Variants in ADGRF4 observed in about 807,000 individuals in gnomAD.
The protein encoded by ADGRF4 is G-protein coupled receptor PGR18.
A neutral mutation model predicts 58.5 loss-of-function variants in ADGRF4; 63 were observed. The ratio of observed to expected loss-of-function variants is 1.08; its 90% CI spans 0.88 to 1.33. The LOEUF is 1.33. ADGRF4 is among the 40% of genes most tolerant of loss of function. ADGRF4 has a pLI of 0.00. For synonymous variants in ADGRF4, 313 were observed against 295.4 expected, an observed-to-expected ratio of 1.06 and a Z score of -0.61; for missense variants, 931 against 843.9, an observed-to-expected ratio of 1.10 and a Z score of -1.28.
At chr6:47,716,745 A>C in intron 6 of ADGRF4, 61 bp from the exon 7 acceptor site, 1 of 1,276,546 alleles carries the variant, frequency 7.8e-7, no homozygotes, top group South Asian at 1.2e-5. Context: ...CGGTATGAAA[A>C]TAACAGCAGG....
At chr6:47,712,852 GAT>G (rs1771905691) in intron 5 of ADGRF4, among the ~76,000 whole-genome samples, 1 of 152,150 alleles carries the variant, frequency 6.6e-6, no homozygotes. Context: ...ATAGTGTAGT[GAT>G]GGCTATGAGC....
chr6:47,711,421 C>T (rs1400983351), intron 4 of ADGRF4, among the ~76,000 whole-genome samples: 4 of 152,166 alleles, frequency 2.6e-5, no homozygotes, highest in Non-Finnish European at 5.9e-5. Flanking sequence ...TGCCACCACA[C>T]CCAGCTAATT....
chr6:47,715,008 C>A lies in ADGRF4; in HGVS notation c.1763C>A (p.Ser588Tyr). The change falls in exon 6 of 10, where the codon TCT becomes TAT. Residue 588 changes from serine (S) to tyrosine (Y), a missense_variant. Physicochemically the swap from Ser to Tyr is moderately radical, Grantham distance 144. Transcript: ENST00000283303. ...LVVAVNTQRP[S>Y]IGSSKSQDVV... ...GTTGCTGTCAACACTCAGAGGCCCT[C>A]TATTGGCAGTTCCAAGTCTCAGGAT... The A allele has an allele frequency of 6.2e-7, 1 of 1,613,462 alleles. No homozygotes were observed. Among genetic ancestry groups the A allele is most frequent in the East Asian group, 2.2e-5 (1 of 44,842 alleles).
intron 5 of ADGRF4, among the ~76,000 whole-genome samples, chr6:47,713,194 G>GA (rs1215736874): frequency 1.7e-4 from 26 of 152,254 alleles, no homozygotes; most frequent in Admixed American, 1.6e-3. Flanking sequence ...AGAGTCCATG[G>GA]AAAAATTGTC....
In ADGRF4 at chr6:47,709,741, C is replaced by T. The variant is rs1470210251; in HGVS notation, c.149-994C>T. ...CAGAGAGCAGCAAAAAATTGAGTTG[C>T]CCAGTGCATATGTTTTCAGCAGGGG... is the stretch of plus-strand genomic sequence containing the variant. On this transcript the variant is annotated intron_variant, in intron 3 of 9. Coordinates refer to ENST00000283303, the MANE Select transcript of ADGRF4 (RefSeq NM_153838.5). Among the ~76,000 whole-genome samples, 4 of 152,148 alleles carry T rather than the reference C, an allele frequency of 2.6e-5. No homozygotes were observed. The East Asian group carries it at 5.8e-4, about 22-fold the overall frequency.
At chr6:47,716,995 A>G in intron 7 of ADGRF4, 148 bp downstream of exon 7, 1 of 653,492 alleles carries the variant, frequency 1.5e-6, no homozygotes, top group African/African-American at 1.8e-5. Context: ...AGAAAAAAAA[A>G]ACACACCAAT....
intron 1 of ADGRF4, among the ~76,000 whole-genome samples, chr6:47,699,903 T>TAC (rs138771559): frequency 0.36 from 52,214 of 146,400 alleles, 9,709 homozygotes; most frequent in East Asian, 0.68. Flanking sequence ...CACACACACA[T>TAC]ACACACACAC....
rs528510294 is a variant in ADGRF4, at chr6:47,710,042, T to C, written c.149-693T>C. Among the ~76,000 whole-genome samples, 12 of 152,284 alleles carry C rather than the reference T, an allele frequency of 7.9e-5. No homozygotes were observed. In the South Asian group the frequency reaches 2.5e-3, roughly 32 times the overall value. On this transcript the variant is annotated intron_variant, in intron 3 of 9. Transcript: ENST00000283303. Reference sequence around the variant, plus strand: ...GTGCTATTGCCCATGAGTTCAATGTTAATGAATCGACAATATATATTAAAT... The same window carrying C: ...GTGCTATTGCCCATGAGTTCAATGTCAATGAATCGACAATATATATTAAAT...
chr6:47,700,581 A>G (rs955336739), intron 1 of ADGRF4, among the ~76,000 whole-genome samples: 2 of 152,200 alleles, frequency 1.3e-5, no homozygotes, highest in African/African-American at 4.8e-5. Context: ...ATGCATTGTT[A>G]TGACACCCTC....
chr6:47,715,248 T>G (rs931113300), intron 6 of ADGRF4, 71 bp downstream of exon 6: 16 of 1,102,238 alleles, frequency 1.5e-5, no homozygotes, highest in Non-Finnish European at 1.8e-5. Context: ...TGATTTGAAA[T>G]TATATAACAC....
chr6:47,713,565 T>G (rs1200936529), intron 5 of ADGRF4, among the ~76,000 whole-genome samples: 1 of 152,220 alleles, frequency 6.6e-6, no homozygotes, highest in African/African-American at 2.4e-5. Flanking sequence ...AATGCTGCCC[T>G]GCGTGCAATA....
In ADGRF4 at chr6:47,710,783, G is replaced by T. The variant is rs1303066642; in HGVS notation, c.197G>T (p.Cys66Phe). Reference sequence around the variant, plus strand: ...TCTTCTTCCAACTGCAGCCAGCCCTGTGCTAAGGACTTTCATGGAGAAATA... The same window carrying T: ...TCTTCTTCCAACTGCAGCCAGCCCTTTGCTAAGGACTTTCATGGAGAAATA... ...CISSSNCSQP[C>F]AKDFHGEIGF... The change falls in exon 4 of 10, where the codon TGT becomes TTT. Residue 66 changes from cysteine (C) to phenylalanine (F), a missense_variant. By Grantham distance (205) the Cys-to-Phe change is radical. Transcript: ENST00000283303. 1.1e-5 allele frequency: 18 copies of T among 1,613,348 alleles called. No individual in the cohort carries two copies. The highest frequency in any genetic ancestry group is 1.5e-5 in the Non-Finnish European group (18 of 1,179,626).
At position 47,710,728 on chromosome 6, in the gene ADGRF4, T is replaced by C; in HGVS notation, c.149-7T>C. ...GTCTCTCTCTCTTTCTCTTTTTTTC[T>C]TTATAGAGAAATGCGAAGGACCTTG... is the stretch of plus-strand genomic sequence containing the variant. On this transcript the variant is annotated splice_region_variant and splice_polypyrimidine_tract_variant and intron_variant, in intron 3 of 9. Transcript: ENST00000283303. 6.3e-7 allele frequency: 1 copy of C among 1,583,214 alleles called. No homozygotes were observed. The highest frequency in any genetic ancestry group is 8.5e-7 in the Non-Finnish European group (1 of 1,170,788).
In ADGRF4 at chr6:47,714,464, A is replaced by G; in HGVS notation, c.1219A>G (p.Ile407Val). 3.1e-6 allele frequency: 5 copies of G among 1,614,146 alleles called. No homozygotes were observed. The highest frequency in any genetic ancestry group is 3.4e-6 in the Non-Finnish European group (4 of 1,180,018). Residue 407 changes from isoleucine (I) to valine (V), a missense_variant, in exon 6 of 10, where the codon ATT (isoleucine) becomes GTT (valine). By Grantham distance (29) the Ile-to-Val change is conservative. Coordinates refer to ENST00000283303, the MANE Select transcript of ADGRF4 (RefSeq NM_153838.5). ...TDKVLDYITCIGLSVSILSLV... is the reference protein window; with the variant it reads ...TDKVLDYITCVGLSVSILSLV... ...CAAAGTTCTGGACTACATCACCTGC[A>G]TTGGGCTCAGCGTCTCAATCCTAAG...
intron 1 of ADGRF4, among the ~76,000 whole-genome samples, chr6:47,701,982 G>A (rs942284736): frequency 6.6e-6 from 1 of 152,118 alleles, no homozygotes; most frequent in Admixed American, 6.5e-5. Flanking sequence ...GGCATTATAG[G>A]TATGCACCAC....
chr6:47,719,981 C>A (rs1339479074), intron 9 of ADGRF4, among the ~76,000 whole-genome samples: 1 of 152,114 alleles, frequency 6.6e-6, no homozygotes, highest in Non-Finnish European at 1.5e-5. Flanking sequence ...TTTAGCATAT[C>A]CCTTGCAAGT....
chr6:47,707,998 T>C (rs1283773152), intron 2 of ADGRF4, among the ~76,000 whole-genome samples: 9 of 152,226 alleles, frequency 5.9e-5, no homozygotes, highest in Admixed American at 1.3e-4. Flanking sequence ...AAAGGCCAAG[T>C]GACCACCATC....
intron 8 of ADGRF4, 34 bp from the exon 9 acceptor site, chr6:47,718,355 T>A: frequency 9.0e-7 from 1 of 1,109,286 alleles, no homozygotes; most frequent in Non-Finnish European, 1.4e-6. Flanking sequence ...ATATAATTAC[T>A]CATTACCACT....
intron 6 of ADGRF4, 30 bp downstream of exon 6, chr6:47,715,207 T>C: frequency 6.8e-7 from 1 of 1,473,446 alleles, no homozygotes; most frequent in Non-Finnish European, 9.2e-7. Flanking sequence ...CTTTTCTGTG[T>C]TACTCCGACT....
Sources: gnomAD v4.1 joint callset for allele counts (sites outside exome capture counted in the v4.1 genomes callset) on GRCh38, gnomAD v4.1.1 for gene constraint, MANE v1.5 for transcripts, NCBI Gene and HGNC (gene_info 2026-07-23, HGNC 2026-07-21) for gene names.